The following EYS variants were observed in gnomAD, a reference collection of about 807,000 sequenced individuals.
EYS encodes EGF-like photoreceptor maintenance factor, also known as protein eyes shut homolog.
Under a neutral mutation model 282.1 loss-of-function variants are expected in EYS, and 250 were observed. The ratio of observed to expected loss-of-function variants is 0.89; its 90% CI spans 0.80 to 0.98. EYS has a LOEUF of 0.98. Ranked by LOEUF, EYS falls within the 50% of genes least tolerant of loss-of-function variation. The pLI is 0.00. For missense variants in EYS, 4,016 were observed against 3,709.0 expected (o/e 1.08, Z -2.15); for synonymous variants, 1,355 against 1,282.9 (o/e 1.06, Z -1.20).
chr6:65,402,908 C>A (rs928339091), intron 6 of EYS, among the ~76,000 whole-genome samples: 2 of 152,046 alleles, frequency 1.3e-5, no homozygotes, highest in East Asian at 1.9e-4. Flanking sequence ...CATATAGATT[C>A]TATCTAATTA....
chr6:65,011,247 T>G lies in EYS; in HGVS notation c.2138-13544A>C, dbSNP rs569469714. On this transcript the variant is annotated intron_variant, in intron 13 of 42. Coordinates refer to ENST00000503581, the MANE Select transcript of EYS (RefSeq NM_001142800.2). The stretch of plus-strand genomic sequence containing the variant: ...AGCACCGATCAGATGGCCAAATTAT[T>G]ATTTACTGGACCGGGCCTTTTCAAA... Among the ~76,000 whole-genome samples the G allele has an allele frequency of 4.6e-5, 7 of 152,312 alleles. No individual in the cohort carries two copies. In the East Asian group the frequency reaches 1.4e-3, roughly 29 times the overall value.
At chr6:64,140,492 C>G (rs897765082) in intron 31 of EYS, among the ~76,000 whole-genome samples, 1 of 152,106 alleles carries the variant, frequency 6.6e-6, no homozygotes, top group Non-Finnish European at 1.5e-5. Flanking sequence ...GGAGGTGGAC[C>G]TGTATGGATT....
intron 13 of EYS, among the ~76,000 whole-genome samples, chr6:65,036,721 C>T: frequency 6.6e-6 from 1 of 151,794 alleles, no homozygotes; most frequent in Admixed American, 6.6e-5. Context: ...AAGTTCATCA[C>T]TATTCATTAG....
chr6:65,681,310 C>A (rs192139667), intron 1 of EYS, among the ~76,000 whole-genome samples: 1 of 151,962 alleles, frequency 6.6e-6, no homozygotes, highest in Non-Finnish European at 1.5e-5. Flanking sequence ...TCAGCCAACT[C>A]ATTAGCATAT....
At chr6:65,144,592 G>A (rs1318335511) in intron 12 of EYS, among the ~76,000 whole-genome samples, 1 of 151,956 alleles carries the variant, frequency 6.6e-6, no homozygotes, top group Non-Finnish European at 1.5e-5. Context: ...AAATTGCAAA[G>A]CAAACTTTTA....
At chr6:64,077,134 A>G (rs772958920) in intron 32 of EYS, among the ~76,000 whole-genome samples, 3 of 151,968 alleles carry the variant, frequency 2.0e-5, no homozygotes, top group Non-Finnish European at 4.4e-5. Context: ...ACTCTTTCCT[A>G]TATCTGTCTT....
intron 35 of EYS, among the ~76,000 whole-genome samples, chr6:63,879,775 TTGA>T (rs1223001490): frequency 6.6e-6 from 1 of 152,064 alleles, no homozygotes; most frequent in African/African-American, 2.4e-5. Flanking sequence ...GTTGTTATTG[TTGA>T]TGATGATGAT....
At chr6:65,459,034 A>T (rs1426314256) in intron 5 of EYS, among the ~76,000 whole-genome samples, 1 of 152,096 alleles carries the variant, frequency 6.6e-6, no homozygotes, top group Non-Finnish European at 1.5e-5. Context: ...ATTTAATAGG[A>T]TTTGTTCTAA....
At chr6:65,267,334 G>A (rs1474120933) in intron 12 of EYS, among the ~76,000 whole-genome samples, 1 of 151,848 alleles carries the variant, frequency 6.6e-6, no homozygotes, top group Non-Finnish European at 1.5e-5. Flanking sequence ...TTGGGAAAAT[G>A]ACTAATCGCA....
chr6:65,534,540 A>G (rs1007325065), intron 2 of EYS, among the ~76,000 whole-genome samples: 2 of 152,090 alleles, frequency 1.3e-5, no homozygotes, highest in African/African-American at 4.8e-5. Flanking sequence ...AAACAACCCC[A>G]TAGCAACTAG....
intron 14 of EYS, among the ~76,000 whole-genome samples, chr6:64,956,038 G>A (rs1769691544): frequency 6.6e-6 from 1 of 151,988 alleles, no homozygotes; most frequent in Non-Finnish European, 1.5e-5. Context: ...TACACATTCA[G>A]TGTAATCTCT....
intron 15 of EYS, among the ~76,000 whole-genome samples, chr6:64,913,199 T>G (rs559875955): frequency 6.6e-6 from 1 of 152,280 alleles, no homozygotes; most frequent in African/African-American, 2.4e-5. Context: ...TAAGCATCTG[T>G]TTTTGGCTTT....
chr6:64,442,330 T>C (rs1157140175), intron 26 of EYS, among the ~76,000 whole-genome samples: 1 of 152,130 alleles, frequency 6.6e-6, no homozygotes. Flanking sequence ...AGAGGTGACT[T>C]GGGTGCTGTT....
At chr6:63,782,928 C>CT (rs60063574) in intron 39 of EYS, among the ~76,000 whole-genome samples, 89 of 145,340 alleles carry the variant, frequency 6.1e-4, no homozygotes, top group Admixed American at 2.7e-3. Context: ...TAAGTAATAG[C>CT]TTTTTTTTTT....
At chr6:63,861,972 T>TAC (rs1772546316) in intron 36 of EYS, among the ~76,000 whole-genome samples, 1 of 152,232 alleles carries the variant, frequency 6.6e-6, no homozygotes, top group Non-Finnish European at 1.5e-5. Flanking sequence ...ATGCACCAGC[T>TAC]ACAGCAGTAT....
chr6:64,175,045 A>G (rs1764586464), intron 31 of EYS, among the ~76,000 whole-genome samples: 2 of 152,132 alleles, frequency 1.3e-5, no homozygotes, highest in Admixed American at 1.3e-4. Context: ...TGAATCTTTA[A>G]GGTTTCTTTC....
intron 11 of EYS, among the ~76,000 whole-genome samples, chr6:65,319,780 A>G (rs1172173346): frequency 2.6e-5 from 4 of 152,160 alleles, no homozygotes; most frequent in Non-Finnish European, 4.4e-5. Flanking sequence ...AGTCTGTTAA[A>G]CAGGGAAGTG....
intron 12 of EYS, among the ~76,000 whole-genome samples, chr6:65,137,370 G>A (rs142306573): frequency 2.0e-5 from 3 of 152,190 alleles, no homozygotes; most frequent in Middle Eastern, 6.8e-3. Context: ...GTTTGGCATC[G>A]TGAAGAAATG....
At chr6:64,884,715 C>A (rs1460536294) in intron 19 of EYS, among the ~76,000 whole-genome samples, 2 of 151,600 alleles carry the variant, frequency 1.3e-5, no homozygotes, top group Non-Finnish European at 3.0e-5. Flanking sequence ...ATACATGTAA[C>A]TTTCTTGAGG....
Sources: gnomAD v4.1 joint callset for allele counts (sites outside exome capture counted in the v4.1 genomes callset) on GRCh38, gnomAD v4.1.1 for gene constraint, MANE v1.5 for transcripts, NCBI Gene and HGNC (gene_info 2026-07-23, HGNC 2026-07-21) for gene names.